The following GLI3 variants were observed in gnomAD, a reference collection of about 807,000 sequenced individuals.
GLI3 encodes the protein transcription activator GLI3.
GLI3 carries 20 observed loss-of-function variants against 100.8 expected under a neutral mutation model. The observed-to-expected ratio is 0.20, with a 90% CI of 0.14 to 0.29. The LOEUF (loss-of-function observed/expected upper bound fraction) is 0.29, where lower values mean the gene tolerates loss of function less well. GLI3 is among the 10% of genes least tolerant of loss of function. The probability of loss-of-function intolerance (pLI) is 1.00; values close to 1 mark genes in which losing one functional copy is unlikely to be tolerated. For synonymous variants in GLI3, 938 were observed against 860.5 expected (o/e 1.09, Z -1.58); for missense variants, 2,040 against 2,128.5 (o/e 0.96, Z 0.82).
intron 2 of GLI3, among the ~76,000 whole-genome samples, chr7:42,219,999 A>G (rs907947136): frequency 6.6e-6 from 1 of 151,412 alleles, no homozygotes; most frequent in Admixed American, 6.6e-5. Context: ...GACTACAGGC[A>G]CCCGCCACAC....
At chr7:42,242,144 TTCTG>T (rs897269273), upstream of GLI3, among the ~76,000 whole-genome samples, 3 of 152,144 alleles carry the variant, frequency 2.0e-5, no homozygotes, top group African/African-American at 4.8e-5. Flanking sequence ...GGCAGCAATG[TTCTG>T]TCTTTCTTTG....
At chr7:41,977,519 T>C (rs1787543359) in intron 12 of GLI3, 39 bp downstream of exon 12, 3 of 1,606,458 alleles carry the variant, frequency 1.9e-6, no homozygotes, top group Admixed American at 1.7e-5. Flanking sequence ...TAGTTCTTTG[T>C]TTCCTTATGC....
At chr7:42,154,415 T>C (rs1305422552) in intron 2 of GLI3, among the ~76,000 whole-genome samples, 1 of 152,196 alleles carries the variant, frequency 6.6e-6, no homozygotes, top group East Asian at 1.9e-4. Flanking sequence ...CACCCTCCTG[T>C]CCTGAACAAG....
chr7:42,125,274 C>G (rs957884648), intron 3 of GLI3, among the ~76,000 whole-genome samples: 1 of 152,106 alleles, frequency 6.6e-6, no homozygotes, highest in Non-Finnish European at 1.5e-5. Flanking sequence ...TGTCTGGGCC[C>G]TTGGACAAAA....
At chr7:42,027,853 G>T (rs1789165590) in intron 7 of GLI3, among the ~76,000 whole-genome samples, 1 of 152,190 alleles carries the variant, frequency 6.6e-6, no homozygotes, top group South Asian at 2.1e-4. Flanking sequence ...AAGTTAGGGA[G>T]AAATCAGTAA....
intron 10 of GLI3, among the ~76,000 whole-genome samples, chr7:42,008,760 T>C (rs1418055431): frequency 6.6e-6 from 1 of 152,248 alleles, no homozygotes. Context: ...AACATACTTC[T>C]ATTTCTATAG....
intron 2 of GLI3, among the ~76,000 whole-genome samples, chr7:42,202,564 G>T (rs925466361): frequency 1.3e-5 from 2 of 152,188 alleles, no homozygotes; most frequent in African/African-American, 4.8e-5. Flanking sequence ...ACGAAGGCAA[G>T]GTTATGGGTT....
intron 10 of GLI3, among the ~76,000 whole-genome samples, chr7:41,996,555 C>T (rs1217497068): frequency 2.0e-5 from 3 of 152,140 alleles, no homozygotes; most frequent in Non-Finnish European, 4.4e-5. Flanking sequence ...GAAAACCTAC[C>T]TTATTACATT....
intron 2 of GLI3, among the ~76,000 whole-genome samples, chr7:42,185,201 A>G (rs1787694892): frequency 6.6e-6 from 1 of 151,848 alleles, no homozygotes; most frequent in Admixed American, 6.6e-5. Context: ...CTCTTAATTC[A>G]CCCTACTGTG....
In GLI3 at chr7:42,216,812, T is replaced by TGGACAAGA. The variant is rs1399292647; in HGVS notation, c.124+6310_124+6317dup. 4.6e-5 allele frequency among the ~76,000 whole-genome samples: 7 copies of TGGACAAGA among 152,352 alleles called. No homozygotes were observed. In the South Asian group the frequency reaches 1.5e-3, roughly 32 times the overall value. On this transcript the variant is annotated intron_variant, in intron 2 of 14. Transcript: ENST00000395925. ...CATTGGTGTTAGCAAAACATTTCTATGGACAAGAGGCCAAGAGCCCTTGCA... is the reference window on the plus strand; with the variant it reads ...CATTGGTGTTAGCAAAACATTTCTATGGACAAGAGGACAAGAGGCCAAGAGCCCTTGCA...
chr7:42,183,138 C>A (rs149978227), intron 2 of GLI3, among the ~76,000 whole-genome samples: 1 of 152,052 alleles, frequency 6.6e-6, no homozygotes, highest in African/African-American at 2.4e-5. Context: ...GCATGAGAAT[C>A]GCTTGAACCC....
At chr7:41,989,134 G>C (rs570512068) in intron 10 of GLI3, among the ~76,000 whole-genome samples, 1 of 152,212 alleles carries the variant, frequency 6.6e-6, no homozygotes, top group African/African-American at 2.4e-5. Flanking sequence ...AAATTGATTA[G>C]GGGCTTAATT....
At chr7:41,983,791 GC>G (rs1423290979) in intron 10 of GLI3, among the ~76,000 whole-genome samples, 5 of 152,260 alleles carry the variant, frequency 3.3e-5, no homozygotes, top group Admixed American at 3.3e-4. Context: ...CCCCAGAAAA[GC>G]CAAGTCCCGA....
Position 42,078,125 on chromosome 7 carries a change from G to A in GLI3, c.368-1268C>T, listed in dbSNP as rs548664371. Among the ~76,000 whole-genome samples, 26 of 152,294 alleles carry A rather than the reference G, an allele frequency of 1.7e-4. No individual in the cohort carries two copies. The South Asian group carries it at 1.9e-3, about 11-fold the overall frequency. On this transcript the variant is annotated intron_variant, in intron 3 of 14. Transcript: ENST00000395925. ...TCGACCACCTAAGAATGCACAGAGC[G>A]TCCCCCCGCTGAAGTCGGCTGCATC...
chr7:41,965,682 C>T lies in GLI3; in HGVS notation c.3391G>A (p.Ala1131Thr), dbSNP rs1583730261. The change falls in exon 15 of 15, where the codon GCG (alanine) becomes ACG (threonine). Residue 1131 changes from alanine to threonine, a missense_variant. Transcript: ENST00000395925. The part of the protein sequence containing the change: ...KVPHGPGDFD[A>T]PGLPDSHAGQ... The stretch of plus-strand genomic sequence containing the variant: ...GCGTGGCTGTCTGGCAGCCCGGGCG[C>T]GTCAAAGTCACCGGGCCCGTGGGGC... 5.6e-6 allele frequency: 9 copies of T among 1,613,314 alleles called. No individual in the cohort carries two copies. Among genetic ancestry groups the T allele is most frequent in the African/African-American group, 1.3e-5 (1 of 74,982 alleles).
intron 10 of GLI3, among the ~76,000 whole-genome samples, chr7:41,979,013 C>T (rs953826952): frequency 1.3e-5 from 2 of 152,160 alleles, no homozygotes; most frequent in Non-Finnish European, 2.9e-5. Flanking sequence ...TACTACAGTA[C>T]ACTGGCCATC....
In GLI3 at chr7:41,972,663, T is replaced by C; in HGVS notation, c.1813-36A>G. The stretch of plus-strand genomic sequence containing the variant: ...CCACAAGAACGAGGTAAGAGATTGT[T>C]ATGAAAGAGACTATGCCCCAGCCCA... On this transcript the variant is annotated intron_variant, in intron 12 of 14. Transcript: ENST00000395925. This position sits in a 1 kb window ranked among gnomAD's most constrained non-coding sequence, Gnocchi z 4.4. The C allele has an allele frequency of 2.5e-6, 4 of 1,573,658 alleles. No homozygotes were observed. Among genetic ancestry groups the C allele is most frequent in the Non-Finnish European group, 3.5e-6 (4 of 1,156,482 alleles).
At chr7:42,049,755 G>A (rs541955645) in intron 4 of GLI3, among the ~76,000 whole-genome samples, 212 of 152,174 alleles carry the variant, frequency 1.4e-3, no homozygotes, top group South Asian at 0.012. Context: ...CTTCTCTAAC[G>A]GAAAACATTT....
At position 42,223,256 on chromosome 7, in the gene GLI3, T is replaced by C. The variant is rs886062340; in HGVS notation, c.-3A>G. 1.9e-6 allele frequency: 3 copies of C among 1,613,164 alleles called. No homozygotes were observed. The highest frequency in any genetic ancestry group is 2.5e-6 in the Non-Finnish European group (3 of 1,179,512). On this transcript the variant is annotated 5_prime_UTR_variant, in exon 2 of 15. Transcript: ENST00000395925. ...GAGCTGTGGGACTGGGCCTCCATGA[T>C]GTCTTCTCATTACTTCAGCTCTCTT...
Sources: gnomAD v4.1 joint callset for allele counts (sites outside exome capture counted in the v4.1 genomes callset) on GRCh38, gnomAD v4.1.1 for gene constraint, Gnocchi (gnomAD v3.1) non-coding constraint, MANE v1.5 for transcripts, NCBI Gene and HGNC (gene_info 2026-07-23, HGNC 2026-07-21) for gene names.